Variants in NRXN1 observed in about 807,000 individuals in gnomAD.
The protein encoded by NRXN1 is neurexin-1.
Under a neutral mutation model 150.9 loss-of-function variants are expected in NRXN1, and 39 were observed. The observed-to-expected ratio is 0.26, with a 90% CI of 0.20 to 0.34. The LOEUF (loss-of-function observed/expected upper bound fraction) is 0.34. Ranked by LOEUF, NRXN1 falls within the 10% of genes least tolerant of loss-of-function variation. The pLI is 1.00. For synonymous variants in NRXN1, 924 were observed against 757.0 expected, an observed-to-expected ratio of 1.22 and a Z score of -3.62; for missense variants, 1,815 against 1,949.9, an observed-to-expected ratio of 0.93 and a Z score of 1.30.
intron 17 of NRXN1, among the ~76,000 whole-genome samples, chr2:50,448,992 T>C (rs2086718281): frequency 6.6e-6 from 1 of 152,176 alleles, no homozygotes; most frequent in African/African-American, 2.4e-5. Flanking sequence ...GACTCTCACA[T>C]TATTACTGGC....
At chr2:51,007,223 A>C (rs1433738578) in intron 2 of NRXN1, among the ~76,000 whole-genome samples, 3 of 152,086 alleles carry the variant, frequency 2.0e-5, no homozygotes, top group African/African-American at 2.4e-5. Context: ...GATAATTATC[A>C]GAAGATTAAT....
chr2:50,792,653 C>T (rs1047302965), intron 5 of NRXN1, among the ~76,000 whole-genome samples: 6 of 151,646 alleles, frequency 4.0e-5, no homozygotes, highest in African/African-American at 1.5e-4. Context: ...GGTATAAAAC[C>T]TTCCATTTTA....
At chr2:50,699,036 C>T (rs1363923424) in intron 5 of NRXN1, among the ~76,000 whole-genome samples, 1 of 152,154 alleles carries the variant, frequency 6.6e-6, no homozygotes, top group East Asian at 1.9e-4. Flanking sequence ...CTGTAAATCT[C>T]TCTAAAGGCA....
chr2:49,922,908 G>C (rs755897558), intron 22 of NRXN1, among the ~76,000 whole-genome samples: 2 of 152,154 alleles, frequency 1.3e-5, no homozygotes, highest in Non-Finnish European at 2.9e-5. Context: ...CTCCCAAGAT[G>C]AACTTTGGAG....
At chr2:50,075,702 G>A (rs940864811) in intron 19 of NRXN1, among the ~76,000 whole-genome samples, 4 of 151,582 alleles carry the variant, frequency 2.6e-5, no homozygotes, top group Admixed American at 6.6e-5. Context: ...TCTAATTATC[G>A]AATGCCACTG....
chr2:50,264,167 T>A (rs769864589), intron 17 of NRXN1, among the ~76,000 whole-genome samples: 5 of 152,130 alleles, frequency 3.3e-5, no homozygotes, highest in Non-Finnish European at 7.4e-5. Flanking sequence ...ACATTTAAAT[T>A]AGTTTTTCAA....
chr2:50,793,871 A>T (rs939289294), intron 5 of NRXN1, among the ~76,000 whole-genome samples: 1 of 152,078 alleles, frequency 6.6e-6, no homozygotes, highest in African/African-American at 2.4e-5. Flanking sequence ...TTTAATCAGC[A>T]AAATTTAGCA....
chr2:50,180,854 T>G (rs1250493475), intron 18 of NRXN1, among the ~76,000 whole-genome samples: 1 of 152,168 alleles, frequency 6.6e-6, no homozygotes, highest in Non-Finnish European at 1.5e-5. Flanking sequence ...TAATTGTTGA[T>G]GTGGTAAATT....
chr2:50,098,703 G>A (rs1009608196), intron 18 of NRXN1, among the ~76,000 whole-genome samples: 1 of 152,040 alleles, frequency 6.6e-6, no homozygotes. Context: ...ATTTGGTGGG[G>A]CATTCTAAAA....
At chr2:50,676,370 C>G (rs911946202) in intron 5 of NRXN1, among the ~76,000 whole-genome samples, 2 of 152,080 alleles carry the variant, frequency 1.3e-5, no homozygotes, top group Non-Finnish European at 2.9e-5. Flanking sequence ...CAGACTAACA[C>G]AAGTCCCGAA....
At chr2:50,100,503 T>C (rs1462834112) in intron 18 of NRXN1, among the ~76,000 whole-genome samples, 3 of 152,102 alleles carry the variant, frequency 2.0e-5, no homozygotes, top group East Asian at 3.9e-4. Context: ...TTGATATCGG[T>C]ATTTTAAGAT....
At chr2:50,487,963 A>G (rs2090996897) in intron 15 of NRXN1, among the ~76,000 whole-genome samples, 1 of 152,156 alleles carries the variant, frequency 6.6e-6, no homozygotes, top group Non-Finnish European at 1.5e-5. Flanking sequence ...CTCCCTATGT[A>G]TAAACAAAGT....
intron 17 of NRXN1, among the ~76,000 whole-genome samples, chr2:50,415,332 G>C (rs578179819): frequency 2.0e-5 from 3 of 152,180 alleles, no homozygotes; most frequent in East Asian, 1.9e-4. Flanking sequence ...CCAGACACCA[G>C]AGGTTGCAGT....
intron 5 of NRXN1, among the ~76,000 whole-genome samples, chr2:50,687,833 A>T (rs1429828859): frequency 6.6e-6 from 1 of 152,180 alleles, no homozygotes; most frequent in Non-Finnish European, 1.5e-5. Context: ...GGGCAAGAGA[A>T]GCTAAGTTTT....
rs775279534 is a variant in NRXN1 at position 50,053,467 on chromosome 2, G to A, written c.3932C>T (p.Ala1311Val). 2.5e-6 allele frequency: 4 copies of A among 1,613,906 alleles called. No homozygotes were observed. The highest frequency in any genetic ancestry group is 3.4e-6 in the Non-Finnish European group (4 of 1,179,952). The change falls in exon 21 of 23, where the codon GCA becomes GTA. Residue 1311 changes from alanine to valine, a missense_variant. By Grantham distance (64) the Ala-to-Val change is moderately conservative. Transcript: ENST00000401669. ...YYNGLKVLNM[A>V]AENDANIAIV... ...GGCGATGTTGGCATCGTTTTCGGCT[G>A]CCATATTCAGAACTTTCAAGCCATT...
At chr2:50,981,770 T>A (rs1189387435) in intron 2 of NRXN1, among the ~76,000 whole-genome samples, 1 of 151,914 alleles carries the variant, frequency 6.6e-6, no homozygotes, top group African/African-American at 2.4e-5. Context: ...TTCCTCCCAG[T>A]GACAGGCATT....
rs59921941 is a variant in NRXN1, at chr2:50,107,539, A to ATATATATATATATATATTT, written c.3547-16046_3547-16045insAAATATATATATATATATA. Among the ~76,000 whole-genome samples, 8 of 129,884 alleles carry ATATATATATATATATATTT rather than the reference A, an allele frequency of 6.2e-5. No individual in the cohort carries two copies. The East Asian group carries it at 1.1e-3, about 19-fold the overall frequency. The allele number at this position is 129,884 out of a possible 152,430, so 85.2% of individuals were successfully genotyped here. On this transcript the variant is annotated intron_variant, in intron 18 of 22. Transcript: ENST00000401669. ...AGACTACATATATATATATATATAT[A>ATATATATATATATATATTT]TTTTTTTTTTTTACCCAAGTACTAC...
chr2:50,827,663 G>C (rs1420298131), intron 5 of NRXN1, among the ~76,000 whole-genome samples: 4 of 152,038 alleles, frequency 2.6e-5, no homozygotes, highest in Non-Finnish European at 5.9e-5. Context: ...AGGGGGACTT[G>C]GCAGGGTCAT....
intron 17 of NRXN1, among the ~76,000 whole-genome samples, chr2:50,239,633 A>C (rs2152883710): frequency 7.7e-6 from 1 of 129,384 alleles, no homozygotes; most frequent in South Asian, 2.5e-4. Context: ...CAGAGTTGGT[A>C]TAAAACCCAT....
Sources: allele counts gnomAD v4.1 joint callset (sites outside exome capture counted in the v4.1 genomes callset), GRCh38; gene constraint gnomAD v4.1.1; transcripts MANE v1.5; gene names NCBI Gene and HGNC (gene_info 2026-07-23, HGNC 2026-07-21).